TRIM44: variants seen among roughly 807,000 people sequenced by gnomAD.
TRIM44 encodes the protein tripartite motif-containing protein 44.
In TRIM44, 13 loss-of-function variants were observed where a neutral mutation model predicts 37.4. The ratio of observed to expected loss-of-function variants is 0.35; its 90% CI spans 0.23 to 0.55. The LOEUF is 0.55. Ranked by LOEUF, TRIM44 falls within the 20% of genes least tolerant of loss-of-function variation. The pLI is 0.89. For synonymous variants in TRIM44, 175 were observed against 157.2 expected (o/e 1.11, Z -0.85); for missense variants, 426 against 437.2 (o/e 0.97, Z 0.23).
chr11:35,682,284 C>T (rs528592829), intron 1 of TRIM44, among the ~76,000 whole-genome samples: 51 of 152,228 alleles, frequency 3.4e-4, no homozygotes, highest in South Asian at 2.3e-3. Flanking sequence ...ATCCCTAGGT[C>T]CCACATGTGT....
In TRIM44 at chr11:35,664,932, G is replaced by A. The variant is rs1851315034; in HGVS notation, c.669+1152G>A. Among the ~76,000 whole-genome samples, 2 of 152,072 alleles carry A rather than the reference G, an allele frequency of 1.3e-5. 1 individual carries two copies. Among genetic ancestry groups the A allele is most frequent in the South Asian group, 4.1e-4 (2 of 4,830 alleles). On this transcript the variant is annotated intron_variant, in intron 1 of 4. Transcript: ENST00000299413. Reference sequence around the variant, plus strand: ...TTACCTTTATGCTTTTACTCCATGTGTATGCATTCCTAAACTTATTTGAAC... The same window carrying A: ...TTACCTTTATGCTTTTACTCCATGTATATGCATTCCTAAACTTATTTGAAC...
intron 1 of TRIM44, among the ~76,000 whole-genome samples, chr11:35,665,376 G>A (rs1207227169): frequency 6.6e-6 from 1 of 151,894 alleles, no homozygotes; most frequent in African/African-American, 2.4e-5. Flanking sequence ...CTGTTGCTCT[G>A]TATCTTCAAA....
intron 4 of TRIM44, among the ~76,000 whole-genome samples, chr11:35,800,733 C>T (rs1853356804): frequency 6.6e-6 from 1 of 152,134 alleles, no homozygotes; most frequent in South Asian, 2.1e-4. Context: ...TAGAGAGGGG[C>T]ACAGGAAGCA....
intron 4 of TRIM44, among the ~76,000 whole-genome samples, chr11:35,740,173 A>G (rs1380139617): frequency 2.7e-5 from 4 of 149,948 alleles, no homozygotes; most frequent in East Asian, 1.9e-4. Context: ...CAGAAAAGCA[A>G]TTTACACTTT....
intron 4 of TRIM44, among the ~76,000 whole-genome samples, chr11:35,793,565 G>A (rs1590605506): frequency 6.6e-6 from 1 of 152,232 alleles, no homozygotes; most frequent in South Asian, 2.1e-4. Flanking sequence ...GGGATCCCCT[G>A]TAACGAGGAG....
At chr11:35,737,113 A>T (rs1462782130) in intron 4 of TRIM44, among the ~76,000 whole-genome samples, 1 of 152,168 alleles carries the variant, frequency 6.6e-6, no homozygotes, top group Non-Finnish European at 1.5e-5. Flanking sequence ...AAAAGGTTAT[A>T]TATAAACAGA....
At chr11:35,703,445 G>C (rs995166259) in intron 2 of TRIM44, among the ~76,000 whole-genome samples, 6 of 152,230 alleles carry the variant, frequency 3.9e-5, no homozygotes, top group Non-Finnish European at 5.9e-5. Context: ...CTGAGAATGG[G>C]CAGACTGCCT....
rs1410189799 is a variant in TRIM44 at position 35,809,615 on chromosome 11, C to T, written c.*3230C>T. On this transcript the variant is annotated 3_prime_UTR_variant, in exon 5 of 5. Transcript: ENST00000299413. Reference sequence around the variant, plus strand: ...TGGCCTTCAAAGATATAGAACTTTGCAGCAGTAGTAAAAGTGAAGGGTGTT... The same window carrying T: ...TGGCCTTCAAAGATATAGAACTTTGTAGCAGTAGTAAAAGTGAAGGGTGTT... The T allele has an allele frequency of 6.6e-6, 1 of 152,144 alleles. No individual in the cohort carries two copies. The highest frequency in any genetic ancestry group is 2.4e-5 in the African/African-American group (1 of 41,440). 9.4% of individuals were successfully genotyped at this position (152,144 alleles called of 1,614,324 possible). A position where few individuals can be genotyped will look rare whatever the true frequency, so the allele number is the denominator to read the frequency against.
chr11:35,702,748 G>A (rs190747160), intron 2 of TRIM44, among the ~76,000 whole-genome samples: 8 of 152,304 alleles, frequency 5.3e-5, no homozygotes, highest in South Asian at 2.1e-4. Context: ...ATTAATAGAC[G>A]ATACAATAGT....
At chr11:35,758,262 T>C (rs1852674419) in intron 4 of TRIM44, among the ~76,000 whole-genome samples, 1 of 152,244 alleles carries the variant, frequency 6.6e-6, no homozygotes, top group Non-Finnish European at 1.5e-5. Context: ...AATGGCCTTC[T>C]TTGTCTCTTT....
At chr11:35,716,108 A>G (rs1852037022) in intron 2 of TRIM44, among the ~76,000 whole-genome samples, 2 of 152,206 alleles carry the variant, frequency 1.3e-5, no homozygotes, top group South Asian at 2.1e-4. Flanking sequence ...AAAAGACTAT[A>G]TAAGAGAAAG....
chr11:35,712,264 T>C (rs966971473), intron 2 of TRIM44, among the ~76,000 whole-genome samples: 2 of 152,224 alleles, frequency 1.3e-5, no homozygotes. Context: ...TTTATTGTTA[T>C]GAAGCAGACT....
At chr11:35,723,373 C>T (rs1225715911) in intron 2 of TRIM44, among the ~76,000 whole-genome samples, 1 of 152,160 alleles carries the variant, frequency 6.6e-6, no homozygotes, top group Non-Finnish European at 1.5e-5. Flanking sequence ...TATGTTTAAT[C>T]ATATTCCACT....
chr11:35,785,542 T>C lies in TRIM44; in HGVS notation c.1008-20816T>C, dbSNP rs1853120585. 2.6e-5 allele frequency among the ~76,000 whole-genome samples: 4 copies of C among 152,332 alleles called. No homozygotes were observed. The South Asian group carries it at 6.2e-4, about 24-fold the overall frequency. Reference sequence around the variant, plus strand: ...GAGGCTAAAACCTGAGAAGAACCTCTGGGTCTCTGCACCCCTATTCGGGTA... The same window carrying C: ...GAGGCTAAAACCTGAGAAGAACCTCCGGGTCTCTGCACCCCTATTCGGGTA... On this transcript the variant is annotated intron_variant, in intron 4 of 4. Transcript: ENST00000299413.
At chr11:35,792,803 A>T (rs1382188555) in intron 4 of TRIM44, among the ~76,000 whole-genome samples, 3 of 152,210 alleles carry the variant, frequency 2.0e-5, no homozygotes, top group Non-Finnish European at 4.4e-5. Flanking sequence ...GGCTGCAAGG[A>T]TAGAGCAGTG....
intron 2 of TRIM44, among the ~76,000 whole-genome samples, chr11:35,687,676 G>T (rs1195552445): frequency 1.3e-5 from 2 of 152,196 alleles, no homozygotes; most frequent in African/African-American, 4.8e-5. Context: ...AATGCATGTA[G>T]TGCTTCTGAT....
intron 4 of TRIM44, among the ~76,000 whole-genome samples, chr11:35,762,961 T>G (rs1243424301): frequency 6.6e-6 from 1 of 152,164 alleles, no homozygotes; most frequent in African/African-American, 2.4e-5. Flanking sequence ...TAAAAAAAAT[T>G]TCAGTGCCTT....
At position 35,772,113 on chromosome 11, in the gene TRIM44, C is replaced by T. The variant is rs902922531; in HGVS notation, c.1008-34245C>T. Among the ~76,000 whole-genome samples the T allele has an allele frequency of 1.2e-4, 19 of 152,190 alleles. 1 individual carries two copies. Among genetic ancestry groups the T allele is most frequent in the Admixed American group, 9.8e-4 (15 of 15,284 alleles). On this transcript the variant is annotated intron_variant, in intron 4 of 4. Transcript: ENST00000299413. The stretch of plus-strand genomic sequence containing the variant: ...GGCCTTGGCTTCAGAGGGTGTAAGC[C>T]GCAAGCCTTGACAGCTGCCACATGG...
chr11:35,789,600 C>T (rs1022955634), intron 4 of TRIM44, among the ~76,000 whole-genome samples: 1 of 152,176 alleles, frequency 6.6e-6, no homozygotes, highest in African/African-American at 2.4e-5. Context: ...TCTGGCTGTG[C>T]ACTCCTGCTC....
Sources: gnomAD v4.1 joint callset for allele counts (sites outside exome capture counted in the v4.1 genomes callset) on GRCh38, gnomAD v4.1.1 for gene constraint, MANE v1.5 for transcripts, NCBI Gene and HGNC (gene_info 2026-07-23, HGNC 2026-07-21) for gene names.